SGK3: variants seen among roughly 807,000 people sequenced by gnomAD.
SGK3 encodes serum/glucocorticoid regulated kinase family member 3, also known as serine/threonine-protein kinase Sgk3.
A neutral mutation model predicts 68.5 loss-of-function variants in SGK3; 47 were observed. That is an observed-to-expected ratio of 0.69 (90% CI 0.54 to 0.87). SGK3 has a LOEUF of 0.87. Among genes scored for constraint, SGK3 ranks in the 40% least tolerant of loss-of-function variants. SGK3 has a pLI of 0.00. For missense variants in SGK3, 479 were observed against 575.5 expected, an observed-to-expected ratio of 0.83 and a Z score of 1.72; for synonymous variants, 181 against 189.1, an observed-to-expected ratio of 0.96 and a Z score of 0.35.
intron 1 of SGK3, chr8:66,775,157 A>AGGGCGGGGCCTGCCGCAGG (rs1397823899): frequency 6.6e-6 from 1 of 152,238 alleles, no homozygotes; most frequent in Non-Finnish European, 1.5e-5. Context: ...GTGATTGGTG[A>AGGGCGGGGCCTGCCGCAGG]GGGCGGGGCC....
chr8:66,804,569 T>C, intron 4 of SGK3, 122 bp downstream of exon 4: 9 of 1,013,488 alleles, frequency 8.9e-6, no homozygotes, highest in Non-Finnish European at 1.3e-5. Flanking sequence ...TCTGTGAAAA[T>C]AATGCCGCAG....
chr8:66,781,000 A>G (rs1166708466), intron 1 of SGK3, among the ~76,000 whole-genome samples: 1 of 152,086 alleles, frequency 6.6e-6, no homozygotes, highest in Non-Finnish European at 1.5e-5. Context: ...GGCCTGGACA[A>G]TCTGAATTCT....
intron 1 of SGK3, among the ~76,000 whole-genome samples, chr8:66,769,849 G>A (rs187635202): frequency 8.0e-4 from 122 of 152,254 alleles, no homozygotes; most frequent in Non-Finnish European, 1.3e-3. Context: ...GATTACAGGC[G>A]TGAGCCACCA....
Position 66,860,353 on chromosome 8 carries a change from C to CT in SGK3, c.*773dup, listed in dbSNP as rs1321179993. ...CCTATAATCCCAGCTACTTGGGAGG[C>CT]TAAGGCAGGAGAATCGCTTGAACCC... On this transcript the variant is annotated 3_prime_UTR_variant, in exon 17 of 17. Coordinates refer to ENST00000521198, the MANE Select transcript of SGK3 (RefSeq NM_001033578.3). The CT allele has an allele frequency of 1.3e-5, 2 of 152,310 alleles. No individual in the cohort carries two copies. The highest frequency in any genetic ancestry group is 4.8e-5 in the African/African-American group (2 of 41,354). 9.4% of individuals were successfully genotyped at this position (152,310 alleles called of 1,614,324 possible).
At chr8:66,836,203 C>T (rs1809524395) in intron 10 of SGK3, 129 bp downstream of exon 10, 1 of 1,204,996 alleles carries the variant, frequency 8.3e-7, no homozygotes. Context: ...ATTCAAGGTA[C>T]TGGCTGAGTA....
chr8:66,771,548 T>C (rs1806512358), intron 1 of SGK3, among the ~76,000 whole-genome samples: 1 of 152,236 alleles, frequency 6.6e-6, no homozygotes, highest in Non-Finnish European at 1.5e-5. Context: ...GAATTTACTG[T>C]GATTCAAGGG....
intron 16 of SGK3, among the ~76,000 whole-genome samples, chr8:66,854,108 A>G (rs1248382562): frequency 6.6e-6 from 1 of 152,190 alleles, no homozygotes; most frequent in Admixed American, 6.5e-5. Flanking sequence ...TAATCCTCAG[A>G]AAAACTTACT....
chr8:66,752,594 G>A (rs545785309), intron 1 of SGK3, among the ~76,000 whole-genome samples: 13 of 151,994 alleles, frequency 8.6e-5, no homozygotes, highest in African/African-American at 3.1e-4. Flanking sequence ...GTGAAAAACT[G>A]GGGGGGTGGG....
intron 1 of SGK3, among the ~76,000 whole-genome samples, chr8:66,736,376 C>T (rs1353066583): frequency 1.3e-5 from 2 of 151,964 alleles, no homozygotes; most frequent in East Asian, 1.9e-4. Context: ...TTAAAGTATA[C>T]AGGAGGATGT....
At chr8:66,741,584 G>A (rs752824544) in intron 1 of SGK3, among the ~76,000 whole-genome samples, 2 of 151,724 alleles carry the variant, frequency 1.3e-5, no homozygotes, top group East Asian at 1.9e-4. Flanking sequence ...TATGTTGGTG[G>A]GGCTGGGTAC....
intron 1 of SGK3, among the ~76,000 whole-genome samples, chr8:66,752,612 G>A (rs979815940): frequency 6.6e-6 from 1 of 152,066 alleles, no homozygotes; most frequent in Non-Finnish European, 1.5e-5. Flanking sequence ...GGGGGAGACA[G>A]AGCATTTCAG....
chr8:66,851,147 A>G (rs1449594619), intron 16 of SGK3, among the ~76,000 whole-genome samples: 1 of 152,188 alleles, frequency 6.6e-6, no homozygotes, highest in South Asian at 2.1e-4. Context: ...CAGTAATTGT[A>G]AAGTGTTTCT....
At chr8:66,820,045 T>G (rs112898797) in intron 5 of SGK3, among the ~76,000 whole-genome samples, 3,534 of 152,196 alleles carry the variant, frequency 0.023, 77 homozygotes, top group South Asian at 0.054. Flanking sequence ...CTTGAACTCC[T>G]TACCTCATGA....
chr8:66,836,188 A>G, intron 10 of SGK3, 114 bp downstream of exon 10: 5 of 1,346,520 alleles, frequency 3.7e-6, no homozygotes, highest in East Asian at 2.3e-5. Context: ...TTTTATAGCA[A>G]TAATATTCAA....
intron 4 of SGK3, among the ~76,000 whole-genome samples, chr8:66,812,851 T>C (rs1417897226): frequency 6.6e-6 from 1 of 152,238 alleles, no homozygotes; most frequent in Non-Finnish European, 1.5e-5. Context: ...TAAAGTTTTC[T>C]AATTCCAAGA....
intron 6 of SGK3, among the ~76,000 whole-genome samples, chr8:66,823,762 G>A (rs902258253): frequency 2.6e-5 from 4 of 151,994 alleles, no homozygotes; most frequent in African/African-American, 9.7e-5. Context: ...TTATGAAGAT[G>A]TTTTCAACAT....
chr8:66,755,267 A>AAC (rs1805941509), intron 1 of SGK3, among the ~76,000 whole-genome samples: 1 of 151,944 alleles, frequency 6.6e-6, no homozygotes, highest in African/African-American at 2.4e-5. Context: ...TCAAAAAAAA[A>AAC]AAAAAACGAA....
intron 3 of SGK3, among the ~76,000 whole-genome samples, chr8:66,800,379 C>CTTTTTTTTTTTTTT (rs35415180): frequency 1.4e-4 from 14 of 102,362 alleles, no homozygotes; most frequent in African/African-American, 3.6e-4. Flanking sequence ...TTTTTCATTT[C>CTTTTTTTTTTTTTT]TTTTTTTTTT....
At chr8:66,817,742 T>A (rs1471317220) in intron 5 of SGK3, among the ~76,000 whole-genome samples, 1 of 152,192 alleles carries the variant, frequency 6.6e-6, no homozygotes, top group Non-Finnish European at 1.5e-5. Context: ...CTCTCATCTC[T>A]GGATGAAAAA....
Sources: gnomAD v4.1 joint callset for allele counts (sites outside exome capture counted in the v4.1 genomes callset) on GRCh38, gnomAD v4.1.1 for gene constraint, MANE v1.5 for transcripts, NCBI Gene and HGNC (gene_info 2026-07-23, HGNC 2026-07-21) for gene names.